NSMCE4A: variants seen among roughly 807,000 people sequenced by gnomAD.
NSMCE4A encodes NSE4A component of SMC5/6 complex, also known as non-structural maintenance of chromosomes element 4 homolog A.
Under a neutral mutation model 47.9 loss-of-function variants are expected in NSMCE4A, and 40 were observed. That is an observed-to-expected ratio of 0.83 (90% CI 0.65 to 1.09). NSMCE4A has a LOEUF of 1.09. NSMCE4A is among the 50% of genes least tolerant of loss of function. NSMCE4A has a pLI of 0.00. For synonymous variants in NSMCE4A, 166 were observed against 178.5 expected (o/e 0.93, Z 0.56); for missense variants, 500 against 507.0 (o/e 0.99, Z 0.13).
chr10:121,960,435 G>A lies in NSMCE4A; in HGVS notation c.940-29C>T, dbSNP rs202151369. The A allele has an allele frequency of 3.0e-5, 45 of 1,496,646 alleles. No homozygotes were observed. The African/African-American group carries it at 4.3e-4, about 14-fold the overall frequency. The allele number at this position is 1,496,646 out of a possible 1,614,324, so 92.7% of individuals were successfully genotyped here. A position where few individuals can be genotyped will look rare whatever the true frequency, so the allele number is the denominator to read the frequency against. ...AAACGAAAACATGATTTTAGGAGAA[G>A]ACAAACATTTAAGACTCAAACCTAT... On this transcript the variant is annotated intron_variant, in intron 7 of 10. Transcript: ENST00000369023. This position sits in a 1 kb window ranked among gnomAD's most constrained non-coding sequence, Gnocchi z 4.2.
intron 8 of NSMCE4A, chr10:121,959,940 T>C (rs999155527): frequency 2.9e-6 from 1 of 341,586 alleles, no homozygotes; most frequent in African/African-American, 2.1e-5. Flanking sequence ...ATATTCACTC[T>C]CCACAGGAGA....
chr10:121,963,391 C>T (rs12240306), intron 5 of NSMCE4A, 63 bp from the exon 6 acceptor site: 144,666 of 897,236 alleles, frequency 0.16, 12,491 homozygotes, highest in Middle Eastern at 0.18. Flanking sequence ...TTTCTTCTCT[C>T]TTGCACACCC....
At chr10:121,967,257 C>T (rs45503609) in intron 4 of NSMCE4A, 5,494 of 159,884 alleles carry the variant, frequency 0.034, 131 homozygotes, top group Middle Eastern at 0.051. Context: ...AGTGCAATGG[C>T]GCAATCTCAG....
chr10:121,967,491 C>T (rs1564995948), intron 4 of NSMCE4A, 164 bp downstream of exon 4: 4 of 695,840 alleles, frequency 5.7e-6, no homozygotes, highest in Non-Finnish European at 9.2e-6. Context: ...AGCCACCACA[C>T]CCGGCCTAGT....
intron 2 of NSMCE4A, among the ~76,000 whole-genome samples, chr10:121,971,887 G>A (rs1378634450): frequency 6.6e-6 from 1 of 152,194 alleles, no homozygotes; most frequent in Non-Finnish European, 1.5e-5. Flanking sequence ...CCTCTGTATG[G>A]CTTCACAGGC....
Position 121,959,321 on chromosome 10 carries a change from T to G in NSMCE4A, c.*12+3A>C. On this transcript the variant is annotated splice_donor_region_variant and intron_variant, in intron 10 of 10. Coordinates refer to ENST00000369023, the MANE Select transcript of NSMCE4A (RefSeq NM_017615.3). ...TGTGTAGCCATCCCATTGAAAAGGT[T>G]ACCTTCAGCTAGCATCAAGCACTTG... 1 of 1,612,160 alleles carries G rather than the reference T, an allele frequency of 6.2e-7. No individual in the cohort carries two copies. Among genetic ancestry groups the G allele is most frequent in the Non-Finnish European group, 8.5e-7 (1 of 1,178,168 alleles).
Position 121,971,073 on chromosome 10 carries a change from T to C in NSMCE4A, c.371-4A>G, listed in dbSNP as rs1952699368. 6.2e-7 allele frequency: 1 copy of C among 1,602,490 alleles called. No homozygotes were observed. Among genetic ancestry groups the C allele is most frequent in the Non-Finnish European group, 8.5e-7 (1 of 1,175,520 alleles). On this transcript the variant is annotated splice_polypyrimidine_tract_variant and splice_region_variant and intron_variant, in intron 2 of 10. Transcript: ENST00000369023. ...ACTGCTTCTCTTGCTCGGGACACTA[T>C]TCAAAAAAGAAAGAAAATATTCACA...
chr10:121,974,741 ACC>A (rs1830943781), intron 1 of NSMCE4A, 131 bp downstream of exon 1: 1 of 1,152,120 alleles, frequency 8.7e-7, no homozygotes. Flanking sequence ...AGGGGCTGGC[ACC>A]CGGCGCGTCT....
In NSMCE4A at chr10:121,974,270, C is replaced by T. The variant is rs113635024; in HGVS notation, c.293-189G>A. On this transcript the variant is annotated intron_variant, in intron 1 of 10. Transcript: ENST00000369023. ...AAAGGCCACCCTACCCTTTATGCAG[C>T]ATGAATTTTAAAAGGAAACCCTAGC... 61 of 1,406,882 alleles carry T rather than the reference C, an allele frequency of 4.3e-5. No homozygotes were observed. The African/African-American group carries it at 6.2e-4, about 14-fold the overall frequency. The allele number at this position is 1,406,882 out of a possible 1,614,324, so 87.1% of individuals were successfully genotyped here.
intron 10 of NSMCE4A, among the ~76,000 whole-genome samples, chr10:121,957,955 C>T (rs1054910623): frequency 1.3e-5 from 2 of 151,586 alleles, no homozygotes; most frequent in Admixed American, 6.6e-5. Flanking sequence ...TGAAGCCAGG[C>T]GTGGTGGCTC....
intron 5 of NSMCE4A, 107 bp from the exon 6 acceptor site, chr10:121,963,435 TC>T (rs1952539667): frequency 3.3e-6 from 2 of 609,960 alleles, no homozygotes; most frequent in Non-Finnish European, 5.6e-6. Context: ...ACACCCGAAC[TC>T]TTTTTTTTTT....
Position 121,970,870 on chromosome 10 carries a change from T to C in NSMCE4A, c.501+69A>G, listed in dbSNP as rs1952694746. 4.4e-6 allele frequency: 6 copies of C among 1,348,410 alleles called. No homozygotes were observed. The Admixed American group carries it at 1.4e-4, about 33-fold the overall frequency. The allele number at this position is 1,348,410 out of a possible 1,614,324, so 83.5% of individuals were successfully genotyped here. ...AAGTGAAATCATCTGCATATGGATA[T>C]GAGCACAGTAAATAATTATAATATA... is the stretch of plus-strand genomic sequence containing the variant. On this transcript the variant is annotated intron_variant, in intron 3 of 10. Coordinates refer to ENST00000369023, the MANE Select transcript of NSMCE4A (RefSeq NM_017615.3).
chr10:121,973,893 G>T (rs1952765170), intron 2 of NSMCE4A, 111 bp downstream of exon 2: 3 of 729,930 alleles, frequency 4.1e-6, no homozygotes, highest in Non-Finnish European at 6.9e-6. Flanking sequence ...CCCGAACTGG[G>T]AAAGCACTAT....
chr10:121,967,493 C>A (rs148543932), intron 4 of NSMCE4A, 162 bp downstream of exon 4: 25 of 706,352 alleles, frequency 3.5e-5, no homozygotes, highest in Non-Finnish European at 4.7e-5. Flanking sequence ...CCACCACACC[C>A]GGCCTAGTGT....
At chr10:121,965,257 T>C in intron 5 of NSMCE4A, 29 bp downstream of exon 5, 1 of 1,521,450 alleles carries the variant, frequency 6.6e-7, no homozygotes, top group African/African-American at 1.4e-5. Context: ...TTTAATGTGT[T>C]TTTTTAAAAG....
At chr10:121,959,936 A>G in intron 8 of NSMCE4A, 1 of 350,738 alleles carries the variant, frequency 2.9e-6, no homozygotes, top group South Asian at 3.6e-5. Context: ...GGAAATATTC[A>G]CTCTCCACAG....
At position 121,975,091 on chromosome 10, in the gene NSMCE4A, G is replaced by T; in HGVS notation, c.75C>A (p.Arg25=). 1 of 1,444,104 alleles carries T rather than the reference G, an allele frequency of 6.9e-7. No individual in the cohort carries two copies. The allele number at this position is 1,444,104 out of a possible 1,614,324, so 89.5% of individuals were successfully genotyped here. The change falls in exon 1 of 11, where the codon CGC becomes CGA. Residue 25 remains arginine (R), a synonymous_variant. Coordinates refer to ENST00000369023, the MANE Select transcript of NSMCE4A (RefSeq NM_017615.3). ...RGRDPHRDRT[R]SRSRSRSPLS... is the part of the protein sequence containing the mutation. ...AAGGGGACCGCGAGCGGGAGCGGGA[G>T]CGGGTGCGATCCCGATGCGGGTCGC...
Position 121,974,897 on chromosome 10 carries a change from C to G in NSMCE4A, c.269G>C (p.Arg90Pro). The change falls in exon 1 of 11, where the codon CGG becomes CCG. Residue 90 changes from arginine (R) to proline (P), a missense_variant. Arg to Pro is a moderately radical substitution (Grantham distance 103). Transcript: ENST00000369023. ...GLCRQIRHQY[R>P]ALINSVQQNR... ...ACGTTGGACGGAGTTGATGAGCGCC[C>G]GGTACTGATGGCGGATCTGGCGGCA... 2.0e-6 allele frequency: 3 copies of G among 1,520,342 alleles called. No homozygotes were observed. The highest frequency in any genetic ancestry group is 2.6e-6 in the Non-Finnish European group (3 of 1,136,502). 94.2% of individuals were successfully genotyped at this position (1,520,342 alleles called of 1,614,324 possible). A position where few individuals can be genotyped will look rare whatever the true frequency, so the allele number is the denominator to read the frequency against.
intron 10 of NSMCE4A, among the ~76,000 whole-genome samples, chr10:121,957,595 A>G (rs1952421572): frequency 6.6e-6 from 1 of 151,614 alleles, no homozygotes; most frequent in Admixed American, 6.6e-5. Context: ...CACCACGCCC[A>G]GCTAATTTTT....
Sources: gnomAD v4.1 joint callset for allele counts (sites outside exome capture counted in the v4.1 genomes callset) on GRCh38, gnomAD v4.1.1 for gene constraint, Gnocchi (gnomAD v3.1) non-coding constraint, MANE v1.5 for transcripts, NCBI Gene and HGNC (gene_info 2026-07-23, HGNC 2026-07-21) for gene names.